The following DNAJC5B variants were observed in gnomAD, a reference collection of about 807,000 sequenced individuals.
DNAJC5B encodes the protein DnaJ heat shock protein family (Hsp40) member C5 beta.
A neutral mutation model predicts 24.7 loss-of-function variants in DNAJC5B; 23 were observed. That is an observed-to-expected ratio of 0.93 (90% CI 0.67 to 1.32). The LOEUF is 1.32. DNAJC5B is among the 40% of genes most tolerant of loss of function. The pLI is 0.00. For missense variants in DNAJC5B, 238 were observed against 240.8 expected, an observed-to-expected ratio of 0.99 and a Z score of 0.08; for synonymous variants, 101 against 90.1, an observed-to-expected ratio of 1.12 and a Z score of -0.68.
intron 3 of DNAJC5B, among the ~76,000 whole-genome samples, chr8:66,054,992 G>A (rs1489306262): frequency 6.6e-6 from 1 of 152,126 alleles, no homozygotes; most frequent in Non-Finnish European, 1.5e-5. Flanking sequence ...CAACTTCCTT[G>A]TAATTTTTAA....
At chr8:66,073,540 C>A (rs1807396751) in intron 3 of DNAJC5B, among the ~76,000 whole-genome samples, 1 of 151,538 alleles carries the variant, frequency 6.6e-6, no homozygotes. Context: ...CAAGCTAATT[C>A]TAAAATTCAT....
chr8:66,063,083 A>G (rs1204973818), intron 3 of DNAJC5B, among the ~76,000 whole-genome samples: 1 of 152,240 alleles, frequency 6.6e-6, no homozygotes, highest in Non-Finnish European at 1.5e-5. Flanking sequence ...TGTCTCATGA[A>G]TAAGCTTAAT....
intron 5 of DNAJC5B, among the ~76,000 whole-genome samples, chr8:66,081,030 G>A (rs1807585475): frequency 6.6e-6 from 1 of 152,128 alleles, no homozygotes; most frequent in Non-Finnish European, 1.5e-5. Flanking sequence ...GGTGAACTAG[G>A]AGAGAGAAGT....
chr8:66,080,959 CAT>C (rs1807583628), intron 5 of DNAJC5B, among the ~76,000 whole-genome samples: 1 of 152,042 alleles, frequency 6.6e-6, no homozygotes, highest in Admixed American at 6.5e-5. Flanking sequence ...AGAAAGTGGG[CAT>C]CAAAAAAAGT....
At chr8:66,042,924 C>T (rs1806645768) in intron 1 of DNAJC5B, among the ~76,000 whole-genome samples, 2 of 151,968 alleles carry the variant, frequency 1.3e-5, no homozygotes, top group African/African-American at 2.4e-5. Context: ...CTCCAGGACC[C>T]CACTGTGCCA....
intron 2 of DNAJC5B, among the ~76,000 whole-genome samples, chr8:66,046,551 G>A (rs978794795): frequency 6.6e-5 from 10 of 152,352 alleles, no homozygotes; most frequent in African/African-American, 2.4e-4. Context: ...AAGAACATGG[G>A]CTTTAGAACC....
chr8:66,033,914 G>C (rs1057173866), intron 1 of DNAJC5B, among the ~76,000 whole-genome samples: 1 of 151,954 alleles, frequency 6.6e-6, no homozygotes, highest in African/African-American at 2.4e-5. Flanking sequence ...GTGGGAGCTC[G>C]TTCTGGATAC....
chr8:66,097,151 A>T (rs1807970222), intron 5 of DNAJC5B, among the ~76,000 whole-genome samples: 2 of 151,414 alleles, frequency 1.3e-5, no homozygotes, highest in African/African-American at 2.4e-5. Flanking sequence ...CTTTCTGGTA[A>T]TTTTTTTATC....
At chr8:66,076,584 A>G in intron 3 of DNAJC5B, 76 bp from the exon 4 acceptor site, 1 of 1,464,866 alleles carries the variant, frequency 6.8e-7, no homozygotes, top group Non-Finnish European at 9.5e-7. Flanking sequence ...ATACAAATGA[A>G]CAGTGCCCTT....
At chr8:66,029,270 G>C (rs1029232202) in intron 1 of DNAJC5B, among the ~76,000 whole-genome samples, 1 of 152,216 alleles carries the variant, frequency 6.6e-6, no homozygotes, top group African/African-American at 2.4e-5. Flanking sequence ...AGAATGTTTT[G>C]AGACAGGGAA....
chr8:66,087,607 A>C (rs1807756018), intron 5 of DNAJC5B, among the ~76,000 whole-genome samples: 1 of 152,242 alleles, frequency 6.6e-6, no homozygotes, highest in Non-Finnish European at 1.5e-5. Flanking sequence ...CTTCCAAGAT[A>C]CAATGGAGGT....
chr8:66,021,031 C>A (rs1348206761), upstream of DNAJC5B, among the ~76,000 whole-genome samples: 1 of 152,156 alleles, frequency 6.6e-6, no homozygotes, highest in Non-Finnish European at 1.5e-5. Flanking sequence ...ACTTGTTAAT[C>A]TAGAAATGGT....
intron 1 of DNAJC5B, among the ~76,000 whole-genome samples, chr8:66,032,292 A>G (rs983999221): frequency 5.9e-5 from 9 of 152,240 alleles, no homozygotes; most frequent in Non-Finnish European, 1.2e-4. Context: ...GCCAACACTC[A>G]GGGCAGCAGC....
chr8:66,069,942 G>A (rs747555439), intron 3 of DNAJC5B, among the ~76,000 whole-genome samples: 7 of 152,228 alleles, frequency 4.6e-5, no homozygotes, highest in South Asian at 2.1e-4. Context: ...CAAGTAAACC[G>A]AACCAATGAC....
intron 5 of DNAJC5B, among the ~76,000 whole-genome samples, chr8:66,097,903 G>T (rs1056166347): frequency 9.9e-5 from 15 of 152,040 alleles, no homozygotes; most frequent in Admixed American, 3.3e-4. Context: ...AGGCTGGAGT[G>T]CAGTGGCACA....
chr8:66,100,836 G>C lies in DNAJC5B; in HGVS notation c.*805G>C, dbSNP rs920058006. On this transcript the variant is annotated 3_prime_UTR_variant, in exon 6 of 6. Transcript: ENST00000276570. ...AAGGGGTAGAACTCTATACTCTAGA[G>C]CCTAAATTTACACCAAAACATGTAT... 3.3e-5 allele frequency among the ~76,000 whole-genome samples: 5 copies of C among 152,108 alleles called. No individual in the cohort carries two copies. Among genetic ancestry groups the C allele is most frequent in the Admixed American group, 1.3e-4 (2 of 15,256 alleles).
intron 1 of DNAJC5B, among the ~76,000 whole-genome samples, chr8:66,024,248 G>C (rs990322978): frequency 2.0e-5 from 3 of 152,064 alleles, no homozygotes; most frequent in Non-Finnish European, 4.4e-5. Context: ...TCATGGCATA[G>C]GCTTTACACA....
the DNAJC5B span, among the ~76,000 whole-genome samples, chr8:66,015,217 A>G: frequency 7.3e-6 from 1 of 136,684 alleles, no homozygotes; most frequent in Non-Finnish European, 1.5e-5. Flanking sequence ...AGGCAAGGAC[A>G]TGGGTAGTCT....
intron 3 of DNAJC5B, among the ~76,000 whole-genome samples, chr8:66,052,642 G>A (rs1806877348): frequency 6.6e-6 from 1 of 152,194 alleles, no homozygotes; most frequent in Admixed American, 6.5e-5. Context: ...TACTCCAGGA[G>A]ACTTTCTGCA....
Sources: allele counts gnomAD v4.1 joint callset (sites outside exome capture counted in the v4.1 genomes callset), GRCh38; gene constraint gnomAD v4.1.1; transcripts MANE v1.5; gene names NCBI Gene and HGNC (gene_info 2026-07-23, HGNC 2026-07-21).